Variants in TMTC1 observed in about 807,000 individuals in gnomAD.
TMTC1 encodes protein O-mannosyl-transferase TMTC1.
A neutral mutation model predicts 104.8 loss-of-function variants in TMTC1; 73 were observed. The ratio of observed to expected loss-of-function variants is 0.70; its 90% CI spans 0.58 to 0.85. The LOEUF is 0.85. TMTC1 is among the 40% of genes least tolerant of loss of function. The probability of loss-of-function intolerance (pLI) is 0.00; values close to 1 mark genes in which losing one functional copy is unlikely to be tolerated. For missense variants in TMTC1, 1,035 were observed against 1,096.1 expected (o/e 0.94, Z 0.79); for synonymous variants, 434 against 428.7 (o/e 1.01, Z -0.15).
intron 11 of TMTC1, among the ~76,000 whole-genome samples, chr12:29,532,042 T>C (rs1482133973): frequency 6.6e-6 from 1 of 152,220 alleles, no homozygotes. Context: ...TATATTTTTA[T>C]GTAAAATGAG....
At chr12:29,742,522 A>C (rs926095480) in intron 5 of TMTC1, among the ~76,000 whole-genome samples, 6 of 152,196 alleles carry the variant, frequency 3.9e-5, no homozygotes, top group African/African-American at 1.4e-4. Flanking sequence ...AAATCTACAA[A>C]ATGAAACACA....
At chr12:29,729,925 T>C (rs892230763) in intron 5 of TMTC1, among the ~76,000 whole-genome samples, 5 of 152,324 alleles carry the variant, frequency 3.3e-5, no homozygotes, top group African/African-American at 9.6e-5. Flanking sequence ...TCTAAAGGGA[T>C]AAATATAATT....
chr12:29,758,206 T>C (rs1943261524), intron 3 of TMTC1, among the ~76,000 whole-genome samples: 1 of 152,174 alleles, frequency 6.6e-6, no homozygotes, highest in Non-Finnish European at 1.5e-5. Flanking sequence ...AAAACTTCTG[T>C]CTTTTGATGA....
chr12:29,585,748 T>C (rs894024041), intron 7 of TMTC1, among the ~76,000 whole-genome samples: 3 of 152,210 alleles, frequency 2.0e-5, no homozygotes, highest in African/African-American at 7.2e-5. Context: ...CAGATAGTTG[T>C]AGATATGCAG....
chr12:29,652,433 G>C (rs1939565862), intron 5 of TMTC1, among the ~76,000 whole-genome samples: 1 of 152,022 alleles, frequency 6.6e-6, no homozygotes, highest in Non-Finnish European at 1.5e-5. Flanking sequence ...TCTATACCAG[G>C]GTGCATAAAA....
intron 5 of TMTC1, among the ~76,000 whole-genome samples, chr12:29,661,666 C>A (rs1940037722): frequency 6.6e-6 from 1 of 152,076 alleles, no homozygotes; most frequent in Non-Finnish European, 1.5e-5. Context: ...GAACTCCTGA[C>A]CTCAGGTGAT....
intron 10 of TMTC1, among the ~76,000 whole-genome samples, chr12:29,549,306 A>T (rs1945032789): frequency 6.6e-6 from 1 of 152,056 alleles, no homozygotes; most frequent in Admixed American, 6.6e-5. Flanking sequence ...CCAAATTATC[A>T]CTTTAAAATA....
chr12:29,741,542 C>T (rs982922675), intron 5 of TMTC1, among the ~76,000 whole-genome samples: 2 of 152,156 alleles, frequency 1.3e-5, no homozygotes, highest in East Asian at 1.9e-4. Flanking sequence ...GCCCAAGGGA[C>T]ATCGCAAATC....
chr12:29,540,388 T>C (rs909056334), intron 10 of TMTC1, among the ~76,000 whole-genome samples: 3 of 152,202 alleles, frequency 2.0e-5, no homozygotes, highest in African/African-American at 7.2e-5. Context: ...CTGACCACCA[T>C]CATCCCAAAT....
chr12:29,550,441 G>A (rs535860064), intron 10 of TMTC1, among the ~76,000 whole-genome samples: 2 of 152,246 alleles, frequency 1.3e-5, no homozygotes, highest in East Asian at 3.9e-4. Flanking sequence ...TGATGCTTAG[G>A]TCTTAATAGA....
intron 7 of TMTC1, among the ~76,000 whole-genome samples, chr12:29,587,212 T>C (rs549678933): frequency 1.3e-5 from 2 of 152,358 alleles, no homozygotes; most frequent in African/African-American, 4.8e-5. Flanking sequence ...GATTTTCTAA[T>C]TTACTTGCGT....
chr12:29,706,526 G>A (rs1274682728), intron 5 of TMTC1, among the ~76,000 whole-genome samples: 17 of 152,026 alleles, frequency 1.1e-4, no homozygotes, highest in East Asian at 1.9e-4. Flanking sequence ...GGATTCAGTC[G>A]GGAAGTAATT....
At chr12:29,611,116 G>A (rs1429743222) in intron 6 of TMTC1, among the ~76,000 whole-genome samples, 2 of 151,836 alleles carry the variant, frequency 1.3e-5, no homozygotes, top group African/African-American at 2.4e-5. Context: ...ACCGAAGGCC[G>A]ATTAAAATCA....
chr12:29,669,946 T>C (rs1177126718), intron 5 of TMTC1, among the ~76,000 whole-genome samples: 2 of 152,128 alleles, frequency 1.3e-5, no homozygotes, highest in Non-Finnish European at 2.9e-5. Flanking sequence ...CAGGATTGAG[T>C]CTCCTGATGG....
intron 5 of TMTC1, among the ~76,000 whole-genome samples, chr12:29,738,167 T>A (rs1370138512): frequency 6.6e-6 from 1 of 152,152 alleles, no homozygotes; most frequent in Non-Finnish European, 1.5e-5. Context: ...GACCTGGAAA[T>A]CAGTTAATTC....
chr12:29,630,175 A>G (rs1938222981), intron 6 of TMTC1, among the ~76,000 whole-genome samples: 1 of 152,164 alleles, frequency 6.6e-6, no homozygotes, highest in African/African-American at 2.4e-5. Context: ...TAGGGTATTT[A>G]GTTTGTTTTT....
At chr12:29,612,024 C>T (rs1052119033) in intron 6 of TMTC1, among the ~76,000 whole-genome samples, 28 of 152,120 alleles carry the variant, frequency 1.8e-4, no homozygotes, top group Non-Finnish European at 4.0e-4. Flanking sequence ...CTTAGTTGAT[C>T]CAATCAGTAA....
At chr12:29,534,085 G>A (rs575621934) in intron 11 of TMTC1, 1 of 152,330 alleles carries the variant, frequency 6.6e-6, no homozygotes, top group East Asian at 1.9e-4. Flanking sequence ...CATACACTCT[G>A]GGTGTTTGAA....
chr12:29,597,997 T>C (rs989816168), intron 7 of TMTC1, among the ~76,000 whole-genome samples: 1 of 152,190 alleles, frequency 6.6e-6, no homozygotes, highest in Non-Finnish European at 1.5e-5. Context: ...ATAGTTTATC[T>C]CCAAACCAGT....
Sources: allele counts gnomAD v4.1 joint callset (sites outside exome capture counted in the v4.1 genomes callset), GRCh38; gene constraint gnomAD v4.1.1; transcripts MANE v1.5; gene names NCBI Gene and HGNC (gene_info 2026-07-23, HGNC 2026-07-21).